The following TECPR2 variants were observed in gnomAD, a reference collection of about 807,000 sequenced individuals.
TECPR2 encodes tectonin beta-propeller repeat containing 2, also known as tectonin beta-propeller repeat-containing protein 2.
In TECPR2, 65 loss-of-function variants were observed where a neutral mutation model predicts 138.1. The ratio of observed to expected loss-of-function variants is 0.47; its 90% CI spans 0.39 to 0.58. The LOEUF (loss-of-function observed/expected upper bound fraction) is 0.58. TECPR2 is among the 20% of genes least tolerant of loss of function. TECPR2 has a pLI of 0.00. For missense variants in TECPR2, 1,553 were observed against 1,824.5 expected, an observed-to-expected ratio of 0.85 and a Z score of 2.71; for synonymous variants, 746 against 749.8, an observed-to-expected ratio of 0.99 and a Z score of 0.08.
intron 2 of TECPR2, among the ~76,000 whole-genome samples, chr14:102,388,573 T>TA (rs1888081604): frequency 6.6e-6 from 1 of 151,912 alleles, no homozygotes; most frequent in South Asian, 2.1e-4. Flanking sequence ...TCACGCCTGT[T>TA]AACCCAACAC....
At chr14:102,432,583 C>T (rs1889533719) in intron 8 of TECPR2, among the ~76,000 whole-genome samples, 1 of 152,046 alleles carries the variant, frequency 6.6e-6, no homozygotes, top group Admixed American at 6.5e-5. Flanking sequence ...TTAGTAGATA[C>T]AGGGTTTCTC....
intron 17 of TECPR2, among the ~76,000 whole-genome samples, chr14:102,494,259 G>A (rs1235526308): frequency 6.6e-6 from 1 of 152,166 alleles, no homozygotes; most frequent in African/African-American, 2.4e-5. Context: ...TAGCTCACTC[G>A]TGGCTGGGCG....
At chr14:102,438,359 T>A in intron 10 of TECPR2, 154 bp downstream of exon 10, 1 of 897,894 alleles carries the variant, frequency 1.1e-6, no homozygotes, top group Non-Finnish European at 1.6e-6. Flanking sequence ...TTCAGGAACG[T>A]TTGAGGGGTT....
At chr14:102,369,348 G>C (rs1439429980) in intron 1 of TECPR2, among the ~76,000 whole-genome samples, 2 of 152,136 alleles carry the variant, frequency 1.3e-5, no homozygotes, top group Non-Finnish European at 2.9e-5. Flanking sequence ...TCATTTGACA[G>C]AGCTACTATG....
At chr14:102,396,721 G>A (rs1888324700) in intron 2 of TECPR2, among the ~76,000 whole-genome samples, 1 of 152,218 alleles carries the variant, frequency 6.6e-6, no homozygotes, top group Admixed American at 6.5e-5. Context: ...TCTTAGCACA[G>A]TAGCAGCTAT....
At chr14:102,388,878 G>A (rs551443758) in intron 2 of TECPR2, among the ~76,000 whole-genome samples, 11 of 149,054 alleles carry the variant, frequency 7.4e-5, no homozygotes, top group South Asian at 2.2e-4. Flanking sequence ...GGAGAATGGC[G>A]TGAATCCAGG....
intron 10 of TECPR2, among the ~76,000 whole-genome samples, chr14:102,439,562 C>T (rs960200527): frequency 1.3e-5 from 2 of 152,170 alleles, no homozygotes; most frequent in African/African-American, 4.8e-5. Flanking sequence ...CCTTTTAGAA[C>T]TTTGGTTCTA....
intron 16 of TECPR2, among the ~76,000 whole-genome samples, chr14:102,456,425 G>C (rs914000100): frequency 5.9e-5 from 9 of 152,126 alleles, no homozygotes; most frequent in Non-Finnish European, 1.3e-4. Context: ...AGCAAGTCCA[G>C]GGTTGGCAGC....
chr14:102,449,430 A>G (rs1439270876), intron 13 of TECPR2, among the ~76,000 whole-genome samples, 199 bp from the exon 14 acceptor site: 1 of 152,266 alleles, frequency 6.6e-6, no homozygotes, highest in Non-Finnish European at 1.5e-5. Flanking sequence ...AGCTGGAGTT[A>G]GCATTAGCAG....
intron 2 of TECPR2, among the ~76,000 whole-genome samples, chr14:102,381,490 C>T (rs766427666): frequency 1.3e-5 from 2 of 152,182 alleles, no homozygotes; most frequent in Admixed American, 1.3e-4. Context: ...ATGAGAATCG[C>T]TTGAATCTGG....
intron 16 of TECPR2, among the ~76,000 whole-genome samples, chr14:102,455,384 A>T (rs976531471): frequency 6.6e-6 from 1 of 152,186 alleles, no homozygotes; most frequent in African/African-American, 2.4e-5. Flanking sequence ...GGCAGGACAG[A>T]GCTGGGCCCC....
At chr14:102,482,977 G>A (rs1330129534) in intron 17 of TECPR2, among the ~76,000 whole-genome samples, 2 of 150,830 alleles carry the variant, frequency 1.3e-5, no homozygotes, top group East Asian at 2.0e-4. Context: ...CCGAGTAGCT[G>A]GGACTACAGG....
intron 2 of TECPR2, among the ~76,000 whole-genome samples, chr14:102,379,574 G>C (rs1052522058): frequency 6.7e-6 from 1 of 149,828 alleles, no homozygotes; most frequent in African/African-American, 2.5e-5. Context: ...ATGCACAGAG[G>C]CACCCTAGTC....
At chr14:102,388,747 G>A (rs559830790) in intron 2 of TECPR2, among the ~76,000 whole-genome samples, 2 of 152,210 alleles carry the variant, frequency 1.3e-5, no homozygotes, top group African/African-American at 4.8e-5. Flanking sequence ...CGGATCACGA[G>A]ATCAGGAGAT....
At chr14:102,485,993 C>T (rs976403460) in intron 17 of TECPR2, among the ~76,000 whole-genome samples, 3 of 152,194 alleles carry the variant, frequency 2.0e-5, no homozygotes, top group East Asian at 1.9e-4. Context: ...CAGTTGGCTC[C>T]ACCAGCCCCT....
Position 102,414,752 on chromosome 14 carries a change from A to G in TECPR2, c.597A>G (p.Glu199=). 6.2e-7 allele frequency: 1 copy of G among 1,614,216 alleles called. No individual in the cohort carries two copies. Among genetic ancestry groups the G allele is most frequent in the Non-Finnish European group, 8.5e-7 (1 of 1,180,028 alleles). Reference sequence around the variant, plus strand: ...AAAGAAGTCTGCTCTTTTACACTGAAGAAAAGTCTGTAAGGCAAATTGGAA... The same window carrying G: ...AAAGAAGTCTGCTCTTTTACACTGAGGAAAAGTCTGTAAGGCAAATTGGAA... ...TLQRSLLFYT[E]EKSVRQIGTQ... Residue 199 remains glutamate, a synonymous_variant, in exon 5 of 20, where the codon GAA becomes GAG. Transcript: ENST00000359520.
At chr14:102,398,614 C>T (rs1597783847) in intron 2 of TECPR2, among the ~76,000 whole-genome samples, 1 of 152,218 alleles carries the variant, frequency 6.6e-6, no homozygotes, top group East Asian at 1.9e-4. Context: ...GTAATCCCAG[C>T]ACTTTGGGAG....
At chr14:102,445,754 T>G in intron 12 of TECPR2, 52 bp from the exon 13 acceptor site, 1 of 1,581,024 alleles carries the variant, frequency 6.3e-7, no homozygotes, top group South Asian at 1.1e-5. Flanking sequence ...CCAGACACAC[T>G]GGGCACTCTG....
Position 102,449,788 on chromosome 14 carries a change from A to T in TECPR2, c.3235A>T (p.Ser1079Cys). The change falls in exon 14 of 20, where the codon AGC becomes TGC. Residue 1079 changes from serine (S) to cysteine (C), a missense_variant. Coordinates refer to ENST00000359520, the MANE Select transcript of TECPR2 (RefSeq NM_014844.5). ...FWSQQLQCQP[S>C]LLGVNNSGVW... is the part of the protein sequence containing the mutation. ...GTCCCAGCAGCTTCAGTGCCAGCCA[A>T]GCCTTCTCGGGGTCAATAACAGCGG... 6.2e-7 allele frequency: 1 copy of T among 1,614,082 alleles called. No individual in the cohort carries two copies. Among genetic ancestry groups the T allele is most frequent in the Middle Eastern group, 1.6e-4 (1 of 6,062 alleles).
Sources: allele counts gnomAD v4.1 joint callset (sites outside exome capture counted in the v4.1 genomes callset), GRCh38; gene constraint gnomAD v4.1.1; transcripts MANE v1.5; gene names NCBI Gene and HGNC (gene_info 2026-07-23, HGNC 2026-07-21).